ENTHD1: variants seen among roughly 807,000 people sequenced by gnomAD.
ENTHD1 encodes the protein ENTH domain-containing protein 1.
In ENTHD1, 23 loss-of-function variants were observed where a neutral mutation model predicts 39.1. The ratio of observed to expected loss-of-function variants is 0.59; its 90% CI spans 0.42 to 0.83. The LOEUF (loss-of-function observed/expected upper bound fraction) is 0.83. ENTHD1 is among the 40% of genes least tolerant of loss of function. ENTHD1 has a pLI of 0.00. For synonymous variants in ENTHD1, 230 were observed against 258.2 expected (o/e 0.89, Z 1.05); for missense variants, 624 against 705.4 (o/e 0.88, Z 1.31).
At chr22:39,812,330 C>T (rs1444488639) in intron 5 of ENTHD1, among the ~76,000 whole-genome samples, 1 of 152,170 alleles carries the variant, frequency 6.6e-6, no homozygotes, top group Non-Finnish European at 1.5e-5. Flanking sequence ...TAGTTGACAG[C>T]ATTGGAAACA....
chr22:39,790,191 G>C (rs1484415536), intron 5 of ENTHD1, among the ~76,000 whole-genome samples: 1 of 152,198 alleles, frequency 6.6e-6, no homozygotes, highest in Non-Finnish European at 1.5e-5. Flanking sequence ...CAAAGGAATG[G>C]CATGGTATGT....
In ENTHD1 at chr22:39,744,020, G is replaced by C. The variant is rs755031768; in HGVS notation, c.1483C>G (p.Pro495Ala). The change falls in exon 7 of 7, where the codon CCA becomes GCA. Residue 495 changes from proline (P) to alanine (A), a missense_variant. Coordinates refer to ENST00000325157, the MANE Select transcript of ENTHD1 (RefSeq NM_152512.4). ...NDSLNLLGIL[P>A]NNSDSAKKNI... ...TTTTTAGCAGAATCAGAGTTATTTG[G>C]AAGAATTCCCAGTAGATTGAGGCTA... 1 of 1,614,160 alleles carries C rather than the reference G, an allele frequency of 6.2e-7. No homozygotes were observed. Among genetic ancestry groups the C allele is most frequent in the South Asian group, 1.1e-5 (1 of 91,080 alleles).
intron 5 of ENTHD1, among the ~76,000 whole-genome samples, chr22:39,816,565 C>T (rs1485164004): frequency 6.6e-6 from 1 of 152,146 alleles, no homozygotes; most frequent in Non-Finnish European, 1.5e-5. Context: ...GTTAAAGAGT[C>T]ATTTCAAAGC....
At chr22:39,782,058 G>A (rs2065414708) in intron 5 of ENTHD1, among the ~76,000 whole-genome samples, 3 of 152,072 alleles carry the variant, frequency 2.0e-5, no homozygotes, top group Non-Finnish European at 2.9e-5. Context: ...AGGATGAAGT[G>A]GGAGGATCAC....
chr22:39,752,314 C>T (rs1445996426), intron 6 of ENTHD1, among the ~76,000 whole-genome samples: 1 of 152,060 alleles, frequency 6.6e-6, no homozygotes, highest in African/African-American at 2.4e-5. Context: ...CACAAAAGGC[C>T]ACATATTGCA....
At chr22:39,795,263 T>C (rs1324419297) in intron 5 of ENTHD1, among the ~76,000 whole-genome samples, 1 of 152,234 alleles carries the variant, frequency 6.6e-6, no homozygotes, top group Non-Finnish European at 1.5e-5. Context: ...ATCATGGTAA[T>C]GCTTGTCTCC....
intron 2 of ENTHD1, among the ~76,000 whole-genome samples, chr22:39,863,244 A>T (rs765073202): frequency 9.9e-5 from 15 of 152,248 alleles, no homozygotes; most frequent in Non-Finnish European, 1.8e-4. Flanking sequence ...AACAGATGGC[A>T]TACTCAGAAT....
chr22:39,833,589 A>T (rs73163076), intron 4 of ENTHD1, among the ~76,000 whole-genome samples: 27,682 of 152,038 alleles, frequency 0.18, 3,312 homozygotes, highest in East Asian at 0.59. Flanking sequence ...TTTAAAATTG[A>T]ATGGATATAG....
At chr22:39,844,006 T>C (rs1381148111) in intron 3 of ENTHD1, among the ~76,000 whole-genome samples, 2 of 152,198 alleles carry the variant, frequency 1.3e-5, no homozygotes, top group African/African-American at 2.4e-5. Flanking sequence ...GAGAAATGCT[T>C]CAAAACACAG....
chr22:39,888,260 CTTTTTTTTTTTTT>C (rs61092462), intron 1 of ENTHD1, among the ~76,000 whole-genome samples: 1 of 110,656 alleles, frequency 9.0e-6, no homozygotes, highest in Non-Finnish European at 1.7e-5. Context: ...TTCTTTCTTT[CTTTTTTTTTTTTT>C]TTTTTTTTTC....
At chr22:39,830,922 A>G (rs532540502) in intron 4 of ENTHD1, among the ~76,000 whole-genome samples, 1 of 152,370 alleles carries the variant, frequency 6.6e-6, no homozygotes, top group African/African-American at 2.4e-5. Flanking sequence ...GTGAAAATTA[A>G]AAAGATACAG....
At chr22:39,881,388 GAT>G (rs71197197) in intron 2 of ENTHD1, among the ~76,000 whole-genome samples, 3,297 of 152,272 alleles carry the variant, frequency 0.022, 58 homozygotes, top group Non-Finnish European at 0.032. Flanking sequence ...TAAATTCAGA[GAT>G]ATATCACCTG....
intron 5 of ENTHD1, among the ~76,000 whole-genome samples, chr22:39,796,569 T>C (rs1422842597): frequency 1.3e-5 from 2 of 152,184 alleles, no homozygotes; most frequent in East Asian, 3.9e-4. Context: ...GCCTGGCTGG[T>C]ATATTGTATT....
intron 6 of ENTHD1, among the ~76,000 whole-genome samples, chr22:39,747,404 A>G (rs1425964667): frequency 6.6e-6 from 1 of 152,208 alleles, no homozygotes; most frequent in Non-Finnish European, 1.5e-5. Flanking sequence ...CAAGACCACA[A>G]GGCTAGAAAA....
chr22:39,883,182 G>T (rs2066353774), intron 2 of ENTHD1, among the ~76,000 whole-genome samples: 1 of 151,352 alleles, frequency 6.6e-6, no homozygotes, highest in Non-Finnish European at 1.5e-5. Flanking sequence ...AATGCACTAT[G>T]CTTCTGTTGA....
At chr22:39,831,151 G>C (rs1023659255) in intron 4 of ENTHD1, among the ~76,000 whole-genome samples, 8 of 152,188 alleles carry the variant, frequency 5.3e-5, no homozygotes, top group African/African-American at 1.9e-4. Context: ...ACTTACAAAG[G>C]AAGCTGAAAT....
intron 5 of ENTHD1, among the ~76,000 whole-genome samples, chr22:39,803,420 C>T (rs902646197): frequency 3.9e-5 from 6 of 152,032 alleles, no homozygotes; most frequent in Non-Finnish European, 8.8e-5. Flanking sequence ...TCATGAAGCT[C>T]CTTGTTTATT....
At chr22:39,788,742 T>A (rs1271013941) in intron 5 of ENTHD1, among the ~76,000 whole-genome samples, 1 of 151,830 alleles carries the variant, frequency 6.6e-6, no homozygotes, top group Non-Finnish European at 1.5e-5. Flanking sequence ...CATCATCTCA[T>A]TTTTTTTAAT....
intron 2 of ENTHD1, chr22:39,874,328 T>C (rs1021469620): frequency 5.9e-5 from 9 of 152,208 alleles, no homozygotes; most frequent in African/African-American, 2.2e-4. Context: ...CAAATAGATC[T>C]TGAGAGCTTG....
Sources: gnomAD v4.1 joint callset for allele counts (sites outside exome capture counted in the v4.1 genomes callset) on GRCh38, gnomAD v4.1.1 for gene constraint, MANE v1.5 for transcripts, NCBI Gene and HGNC (gene_info 2026-07-23, HGNC 2026-07-21) for gene names.